The following SCAF11 variants were observed in gnomAD, a reference collection of about 807,000 sequenced individuals.
SCAF11 encodes the protein protein SCAF11.
Under a neutral mutation model 140.5 loss-of-function variants are expected in SCAF11, and 47 were observed. The ratio of observed to expected loss-of-function variants is 0.33; its 90% CI spans 0.26 to 0.43. The LOEUF (loss-of-function observed/expected upper bound fraction) is 0.43, where lower values mean the gene tolerates loss of function less well. Ranked by LOEUF, SCAF11 falls within the 20% of genes least tolerant of loss-of-function variation. SCAF11 has a pLI of 1.00. For missense variants in SCAF11, 1,645 were observed against 1,705.1 expected (o/e 0.96, Z 0.62); for synonymous variants, 557 against 579.4 (o/e 0.96, Z 0.55).
At chr12:45,963,772 T>C (rs1945877112) in intron 2 of SCAF11, among the ~76,000 whole-genome samples, 1 of 152,176 alleles carries the variant, frequency 6.6e-6, no homozygotes, top group South Asian at 2.1e-4. Context: ...TAGTGAAAAT[T>C]AAATTAGCTT....
chr12:45,947,806 A>T (rs1226973548), intron 5 of SCAF11, among the ~76,000 whole-genome samples: 1 of 152,158 alleles, frequency 6.6e-6, no homozygotes, highest in African/African-American at 2.4e-5. Context: ...CTTCCTAAGT[A>T]GCTGGAACTG....
intron 3 of SCAF11, among the ~76,000 whole-genome samples, chr12:45,958,402 A>G (rs1227444175): frequency 6.6e-6 from 1 of 152,208 alleles, no homozygotes; most frequent in African/African-American, 2.4e-5. Flanking sequence ...GGTAAAATAA[A>G]TAACTTCCTA....
chr12:45,980,575 T>G (rs1305983005), intron 1 of SCAF11, among the ~76,000 whole-genome samples: 2 of 152,134 alleles, frequency 1.3e-5, no homozygotes, highest in African/African-American at 4.8e-5. Context: ...TCCCTTATGC[T>G]CTTAACCATT....
Position 45,927,157 on chromosome 12 carries a change from A to C in SCAF11, c.2544T>G (p.Ser848=). The part of the protein sequence containing the change: ...ESARGRKKSR[S]QSPKKDIARE... Reference sequence around the variant, plus strand: ...TTGCAATATCCTTTTTTGGGGACTGAGAACGGGATTTTTTCCGGCCTCTGG... The same window carrying C: ...TTGCAATATCCTTTTTTGGGGACTGCGAACGGGATTTTTTCCGGCCTCTGG... The change falls in exon 11 of 15, where the codon TCT becomes TCG. Residue 848 remains serine (S), a synonymous_variant. Coordinates refer to ENST00000369367, the MANE Select transcript of SCAF11 (RefSeq NM_004719.3). The C allele has an allele frequency of 6.2e-7, 1 of 1,614,000 alleles. No homozygotes were observed. The highest frequency in any genetic ancestry group is 1.1e-5 in the South Asian group (1 of 91,058).
At chr12:45,940,734 T>C (rs982826597) in intron 6 of SCAF11, among the ~76,000 whole-genome samples, 3 of 152,240 alleles carry the variant, frequency 2.0e-5, no homozygotes, top group South Asian at 4.1e-4. Context: ...TTTCACCGCA[T>C]TGTATCTCAA....
chr12:45,925,446 T>C (rs1161037946), intron 11 of SCAF11, among the ~76,000 whole-genome samples: 6 of 151,970 alleles, frequency 3.9e-5, no homozygotes, highest in African/African-American at 9.7e-5. Flanking sequence ...TCCCAGCTAG[T>C]CAGGAGGCTG....
intron 8 of SCAF11, 28 bp from the exon 9 acceptor site, chr12:45,933,260 A>G: frequency 6.7e-7 from 1 of 1,498,840 alleles, no homozygotes; most frequent in Non-Finnish European, 9.2e-7. Flanking sequence ...GACCTTCATC[A>G]GAATCTCACA....
chr12:45,947,755 C>T (rs530472784), intron 5 of SCAF11, among the ~76,000 whole-genome samples: 1 of 152,310 alleles, frequency 6.6e-6, no homozygotes, highest in Admixed American at 6.5e-5. Flanking sequence ...TAGCTCACTG[C>T]AGCCTCAGAT....
At chr12:45,986,648 C>G (rs1384425061) in intron 1 of SCAF11, among the ~76,000 whole-genome samples, 1 of 152,158 alleles carries the variant, frequency 6.6e-6, no homozygotes, top group Non-Finnish European at 1.5e-5. Flanking sequence ...TGTGTCCCCA[C>G]CCAAATCTCT....
intron 9 of SCAF11, among the ~76,000 whole-genome samples, chr12:45,932,389 A>G (rs943322349): frequency 1.3e-5 from 2 of 152,008 alleles, no homozygotes; most frequent in Non-Finnish European, 2.9e-5. Context: ...AAGCATGGGA[A>G]AAAAAATGTA....
At chr12:45,947,815 T>C (rs1465733775) in intron 5 of SCAF11, among the ~76,000 whole-genome samples, 10 of 152,164 alleles carry the variant, frequency 6.6e-5, no homozygotes, top group Non-Finnish European at 1.5e-5. Context: ...TAGCTGGAAC[T>C]GCAGCCATGT....
chr12:45,927,480 G>C lies in SCAF11; in HGVS notation c.2221C>G (p.Leu741Val). The C allele has an allele frequency of 2.5e-6, 4 of 1,613,678 alleles. No individual in the cohort carries two copies. Among genetic ancestry groups the C allele is most frequent in the Non-Finnish European group, 3.4e-6 (4 of 1,179,958 alleles). ...ACAGAATTTTCATTCATTTGTTTAA[G>C]ATCAGCATTTACAGATGGTTCAACT... ...SEVEPSVNAD[L>V]KQMNENSVTH... The change falls in exon 11 of 15, where the codon CTT becomes GTT. Residue 741 changes from leucine (L) to valine (V), a missense_variant. Physicochemically the swap from Leu to Val is conservative, Grantham distance 32. Around this residue, in one of 2 missense-constraint regions of SCAF11, gnomAD observed 1,582 missense variants for 1,609.2 expected, o/e 0.98. Transcript: ENST00000369367.
chr12:45,978,999 A>G (rs1193672689), intron 1 of SCAF11, among the ~76,000 whole-genome samples: 6 of 151,918 alleles, frequency 3.9e-5, no homozygotes, highest in African/African-American at 1.4e-4. Flanking sequence ...TCAAGGCATC[A>G]GCAGGTTCAG....
At chr12:45,948,856 T>C (rs2136569568) in intron 4 of SCAF11, among the ~76,000 whole-genome samples, 1 of 152,248 alleles carries the variant, frequency 6.6e-6, no homozygotes, top group East Asian at 1.9e-4. Flanking sequence ...GAGTAGATGA[T>C]GTATGAGTTG....
At chr12:45,969,887 C>A (rs945346734) in intron 1 of SCAF11, among the ~76,000 whole-genome samples, 2 of 152,000 alleles carry the variant, frequency 1.3e-5, no homozygotes, top group Admixed American at 6.6e-5. Context: ...CAGGTGCACA[C>A]CACCACATTC....
chr12:45,950,774 G>A (rs952999275), intron 4 of SCAF11, among the ~76,000 whole-genome samples: 1 of 152,082 alleles, frequency 6.6e-6, no homozygotes. Flanking sequence ...AACCTACACT[G>A]AGAAAGACAA....
chr12:45,956,027 C>A, intron 3 of SCAF11: 1 of 690,410 alleles, frequency 1.4e-6, no homozygotes, highest in Non-Finnish European at 2.6e-6. Context: ...TAAAACACAC[C>A]CTACTATTCT....
At chr12:45,974,637 T>A in intron 1 of SCAF11, 1 of 183,924 alleles carries the variant, frequency 5.4e-6, no homozygotes, top group Non-Finnish European at 1.2e-5. Flanking sequence ...AGTCATGTCT[T>A]CAGGCTCCAC....
chr12:45,932,713 G>C (rs1202497536), intron 9 of SCAF11, among the ~76,000 whole-genome samples: 2 of 152,094 alleles, frequency 1.3e-5, no homozygotes, highest in Non-Finnish European at 2.9e-5. Flanking sequence ...ATGAGTGTCA[G>C]GGTAGAGTAG....
Sources: gnomAD v4.1 joint callset for allele counts (sites outside exome capture counted in the v4.1 genomes callset) on GRCh38, gnomAD v4.1.1 for gene constraint, gnomAD v4.1.1 regional missense constraint, MANE v1.5 for transcripts, NCBI Gene and HGNC (gene_info 2026-07-23, HGNC 2026-07-21) for gene names.